Variants in GPC5 observed in about 807,000 individuals in gnomAD.
GPC5 encodes glypican 5.
Under a neutral mutation model 53.9 loss-of-function variants are expected in GPC5, and 47 were observed. The ratio of observed to expected loss-of-function variants is 0.87; its 90% CI spans 0.69 to 1.11. The LOEUF is 1.11. Among genes scored for constraint, GPC5 ranks in the 50% most tolerant of loss-of-function variants. The probability of loss-of-function intolerance (pLI) is 0.00; values close to 1 mark genes in which losing one functional copy is unlikely to be tolerated. For missense variants in GPC5, 748 were observed against 713.1 expected, an observed-to-expected ratio of 1.05 and a Z score of -0.56; for synonymous variants, 286 against 263.3, an observed-to-expected ratio of 1.09 and a Z score of -0.84.
intron 6 of GPC5, among the ~76,000 whole-genome samples, chr13:91,953,196 G>A (rs1322345301): frequency 6.6e-6 from 1 of 152,148 alleles, no homozygotes; most frequent in East Asian, 1.9e-4. Flanking sequence ...GCACACTTGG[G>A]GTAAGGTCAT....
chr13:92,352,998 C>T (rs1226546429), intron 7 of GPC5, among the ~76,000 whole-genome samples: 2 of 152,026 alleles, frequency 1.3e-5, no homozygotes, highest in African/African-American at 4.8e-5. Flanking sequence ...CGGTGGCTCA[C>T]GCCTGTAATC....
rs78902005 is a variant in GPC5, at chr13:91,415,501, T to C, written c.163+16292T>C. Among the ~76,000 whole-genome samples the C allele has an allele frequency of 1.6e-3, 249 of 152,260 alleles. 4 individuals carry two copies. In the East Asian group the frequency reaches 0.044, roughly 27 times the overall value. Reference sequence around the variant, plus strand: ...TAGACCTGGTGTTTCACTTCACCTATTCCCCAGTGCTTTTGGTTTCCCCAA... The same window carrying C: ...TAGACCTGGTGTTTCACTTCACCTACTCCCCAGTGCTTTTGGTTTCCCCAA... On this transcript the variant is annotated intron_variant, in intron 1 of 7. Coordinates refer to ENST00000377067, the MANE Select transcript of GPC5 (RefSeq NM_004466.6).
intron 6 of GPC5, among the ~76,000 whole-genome samples, chr13:92,093,355 T>A (rs564007439): frequency 6.6e-6 from 1 of 152,274 alleles, no homozygotes; most frequent in East Asian, 1.9e-4. Context: ...CCAAGACAAA[T>A]ATACATTAAA....
At chr13:92,327,952 C>G (rs2043263352) in intron 7 of GPC5, among the ~76,000 whole-genome samples, 2 of 152,122 alleles carry the variant, frequency 1.3e-5, no homozygotes, top group South Asian at 4.1e-4. Context: ...AATCCAAAGC[C>G]CAGCACAGGC....
chr13:92,539,976 T>C (rs1386798174), intron 7 of GPC5, among the ~76,000 whole-genome samples: 1 of 151,976 alleles, frequency 6.6e-6, no homozygotes, highest in African/African-American at 2.4e-5. Context: ...ATTTTCTATA[T>C]TATTATAGAA....
At chr13:92,197,297 A>T (rs1181797815) in intron 7 of GPC5, among the ~76,000 whole-genome samples, 1 of 152,218 alleles carries the variant, frequency 6.6e-6, no homozygotes, top group East Asian at 1.9e-4. Context: ...TACAGATATA[A>T]ATAATATTGA....
intron 7 of GPC5, among the ~76,000 whole-genome samples, chr13:92,149,565 C>A (rs1306204535): frequency 6.6e-6 from 1 of 151,910 alleles, no homozygotes; most frequent in Non-Finnish European, 1.5e-5. Flanking sequence ...TCCATGTCAG[C>A]GTACTAAGAA....
At chr13:91,811,294 T>C (rs2038307624) in intron 5 of GPC5, among the ~76,000 whole-genome samples, 1 of 152,068 alleles carries the variant, frequency 6.6e-6, no homozygotes, top group African/African-American at 2.4e-5. Flanking sequence ...GTAATCACAC[T>C]AATTCTAGTT....
At chr13:91,657,048 A>G (rs2139591169) in intron 2 of GPC5, among the ~76,000 whole-genome samples, 1 of 152,090 alleles carries the variant, frequency 6.6e-6, no homozygotes, top group East Asian at 1.9e-4. Flanking sequence ...TATATGAGAT[A>G]CTCTTGTACT....
intron 6 of GPC5, among the ~76,000 whole-genome samples, chr13:92,036,038 G>C (rs2040890519): frequency 6.6e-6 from 1 of 152,082 alleles, no homozygotes; most frequent in African/African-American, 2.4e-5. Flanking sequence ...TTTTTAGTTT[G>C]ATAGTTCTAT....
chr13:92,359,907 A>G (rs1176703169), intron 7 of GPC5, among the ~76,000 whole-genome samples: 1 of 151,660 alleles, frequency 6.6e-6, no homozygotes, highest in Non-Finnish European at 1.5e-5. Context: ...TTCAAACCAT[A>G]TCACTCAGTT....
chr13:92,527,176 AAGAAAG>A (rs1566276805), intron 7 of GPC5, among the ~76,000 whole-genome samples: 1 of 80,962 alleles, frequency 1.2e-5, no homozygotes, highest in Admixed American at 1.4e-4. Flanking sequence ...AAGAAAGAGA[AAGAAAG>A]AAGAAAGAAA....
chr13:92,668,985 C>A (rs2139201641), intron 7 of GPC5, among the ~76,000 whole-genome samples: 1 of 152,056 alleles, frequency 6.6e-6, no homozygotes, highest in South Asian at 2.1e-4. Context: ...ATTCTACTTT[C>A]CAGGCAATAT....
chr13:92,385,220 A>G (rs2043782209), intron 7 of GPC5, among the ~76,000 whole-genome samples: 1 of 150,866 alleles, frequency 6.6e-6, no homozygotes, highest in South Asian at 2.1e-4. Flanking sequence ...TTATATTTCA[A>G]CTATTATGAC....
intron 6 of GPC5, chr13:91,995,835 C>A (rs1231233126): frequency 2.6e-5 from 4 of 152,170 alleles, no homozygotes; most frequent in Non-Finnish European, 5.9e-5. Flanking sequence ...TTCTCAACTT[C>A]TTCTACAGTT....
chr13:91,786,480 A>T (rs1051588553), intron 5 of GPC5, among the ~76,000 whole-genome samples: 4 of 151,954 alleles, frequency 2.6e-5, no homozygotes, highest in African/African-American at 9.7e-5. Flanking sequence ...TTTATTTTTT[A>T]AAAAGGGGTT....
chr13:91,963,918 G>GAA (rs2040151965), intron 6 of GPC5, among the ~76,000 whole-genome samples: 2 of 152,136 alleles, frequency 1.3e-5, no homozygotes, highest in Non-Finnish European at 2.9e-5. Flanking sequence ...CTGTTGGTGG[G>GAA]ACTGTAAACT....
chr13:91,586,511 T>C (rs1428316842), intron 2 of GPC5, among the ~76,000 whole-genome samples: 1 of 8,322 alleles, frequency 1.2e-4, no homozygotes, highest in Admixed American at 1.1e-3. Flanking sequence ...TATATATATA[T>C]ATATATATAT....
intron 7 of GPC5, among the ~76,000 whole-genome samples, chr13:92,211,424 C>T (rs181569575): frequency 1.1e-3 from 175 of 152,328 alleles, no homozygotes; most frequent in African/African-American, 4.2e-3. Flanking sequence ...ATTCTGCCCT[C>T]AGTTCTAAGG....
Sources: gnomAD v4.1 joint callset for allele counts (sites outside exome capture counted in the v4.1 genomes callset) on GRCh38, gnomAD v4.1.1 for gene constraint, MANE v1.5 for transcripts, NCBI Gene and HGNC (gene_info 2026-07-23, HGNC 2026-07-21) for gene names.